SMYD3: variants seen among roughly 807,000 people sequenced by gnomAD.
SMYD3 encodes the protein histone-lysine N-methyltransferase SMYD3.
In SMYD3, 36 loss-of-function variants were observed where a neutral mutation model predicts 57.7. That is an observed-to-expected ratio of 0.62 (90% CI 0.48 to 0.82). The LOEUF is 0.82. Among genes scored for constraint, SMYD3 ranks in the 40% least tolerant of loss-of-function variants. SMYD3 has a pLI of 0.00. For missense variants in SMYD3, 515 were observed against 538.8 expected (o/e 0.96, Z 0.44); for synonymous variants, 211 against 195.0 (o/e 1.08, Z -0.68).
chr1:245,955,289 G>A (rs940038967), intron 5 of SMYD3, among the ~76,000 whole-genome samples: 2 of 152,102 alleles, frequency 1.3e-5, no homozygotes, highest in African/African-American at 4.8e-5. Flanking sequence ...TAGAGACGGG[G>A]TTTCACCGCA....
intron 8 of SMYD3, among the ~76,000 whole-genome samples, chr1:245,905,720 C>T (rs2054516629): frequency 6.6e-6 from 1 of 152,212 alleles, no homozygotes; most frequent in South Asian, 2.1e-4. Context: ...TGAGCAAACA[C>T]AGTCAGCAGC....
At chr1:245,824,154 T>A (rs114172967) in intron 10 of SMYD3, among the ~76,000 whole-genome samples, 1 of 152,210 alleles carries the variant, frequency 6.6e-6, no homozygotes, top group Non-Finnish European at 1.5e-5. Flanking sequence ...TTCCCCAAAG[T>A]AGGGAAACAG....
At chr1:245,763,984 G>T in intron 11 of SMYD3, 57 bp downstream of exon 11, 1 of 1,320,940 alleles carries the variant, frequency 7.6e-7, no homozygotes, top group Non-Finnish European at 1.1e-6. Flanking sequence ...AAGAGGCCCA[G>T]CAACAGCAGA....
At chr1:246,402,470 G>A (rs902021738) in intron 1 of SMYD3, among the ~76,000 whole-genome samples, 1 of 151,728 alleles carries the variant, frequency 6.6e-6, no homozygotes, top group African/African-American at 2.4e-5. Context: ...AAGGGTTAGA[G>A]AGGTTAATCG....
chr1:246,027,864 G>C (rs1003732971), intron 5 of SMYD3, among the ~76,000 whole-genome samples: 1 of 152,172 alleles, frequency 6.6e-6, no homozygotes, highest in African/African-American at 2.4e-5. Flanking sequence ...TGGATCTGGG[G>C]ACAGTAAATT....
At chr1:245,996,064 C>G (rs973425926) in intron 5 of SMYD3, among the ~76,000 whole-genome samples, 7 of 152,188 alleles carry the variant, frequency 4.6e-5, no homozygotes, top group African/African-American at 1.7e-4. Context: ...TTCCCAACAC[C>G]TAAAATCCTC....
At chr1:245,853,460 G>A (rs1026307565) in intron 10 of SMYD3, among the ~76,000 whole-genome samples, 2 of 152,156 alleles carry the variant, frequency 1.3e-5, no homozygotes, top group South Asian at 2.1e-4. Flanking sequence ...ACTGTAATAC[G>A]CACCTGGGAT....
rs76896536 is a variant in SMYD3 at position 246,353,401 on chromosome 1, G to A, written c.228+1630C>T. ...TTAAATTACCTGGCCATGGTGGCACGTACCTGTAGTCCCAGTGGCTCAGGA... is the reference window on the plus strand; with the variant it reads ...TTAAATTACCTGGCCATGGTGGCACATACCTGTAGTCCCAGTGGCTCAGGA... On this transcript the variant is annotated intron_variant, in intron 2 of 11. Coordinates refer to ENST00000490107, the MANE Select transcript of SMYD3 (RefSeq NM_001167740.2). Among the ~76,000 whole-genome samples, 109 of 152,082 alleles carry A rather than the reference G, an allele frequency of 7.2e-4. No homozygotes were observed. In the East Asian group the frequency reaches 0.014, roughly 20 times the overall value.
intron 11 of SMYD3, among the ~76,000 whole-genome samples, chr1:245,757,184 G>C (rs2045642089): frequency 6.6e-6 from 1 of 151,818 alleles, no homozygotes; most frequent in East Asian, 1.9e-4. Flanking sequence ...TTCTACTTCT[G>C]TCTCTAGGTA....
Position 245,953,206 on chromosome 1 carries a change from G to A in SMYD3, c.532-23269C>T, listed in dbSNP as rs548240459. The A allele has an allele frequency of 2.7e-5, 27 of 992,898 alleles. No individual in the cohort carries two copies. In the East Asian group the frequency reaches 5.7e-4, roughly 21 times the overall value. 61.5% of individuals were successfully genotyped at this position (992,898 alleles called of 1,614,324 possible). ...CATAATATATATTATCAGTATATCT[G>A]GAGAAAGAAACAAAGCAAGATTACC... On this transcript the variant is annotated intron_variant, in intron 5 of 11. Transcript: ENST00000490107.
At chr1:246,155,781 A>C (rs1172541119) in intron 5 of SMYD3, among the ~76,000 whole-genome samples, 2 of 152,036 alleles carry the variant, frequency 1.3e-5, no homozygotes, top group African/African-American at 2.4e-5. Flanking sequence ...GGAGTTCGAG[A>C]CCAGCCTGGC....
intron 1 of SMYD3, among the ~76,000 whole-genome samples, chr1:246,418,709 C>G (rs938566115): frequency 2.6e-5 from 4 of 152,072 alleles, no homozygotes; most frequent in African/African-American, 9.7e-5. Context: ...GTCGGGCGCT[C>G]GGTGACCTGG....
In SMYD3 at chr1:246,221,126, C is replaced by T. The variant is rs542991068; in HGVS notation, c.531+106075G>A. Among the ~76,000 whole-genome samples the T allele has an allele frequency of 1.4e-4, 22 of 152,194 alleles. No homozygotes were observed. In the East Asian group the frequency reaches 3.7e-3, roughly 25 times the overall value. The stretch of plus-strand genomic sequence containing the variant: ...CTGCCAAGAGCTGGAGACAACGGAA[C>T]AACTAGCCAAACAGAGAAGCTACCC... On this transcript the variant is annotated intron_variant, in intron 5 of 11. Transcript: ENST00000490107.
At chr1:245,815,366 C>T (rs1282462968) in intron 10 of SMYD3, among the ~76,000 whole-genome samples, 1 of 152,226 alleles carries the variant, frequency 6.6e-6, no homozygotes, top group Non-Finnish European at 1.5e-5. Flanking sequence ...CCATGCTTTT[C>T]CTTCCATCCC....
At chr1:246,232,185 TA>T (rs1427948633) in intron 5 of SMYD3, among the ~76,000 whole-genome samples, 2 of 152,006 alleles carry the variant, frequency 1.3e-5, no homozygotes, top group African/African-American at 2.4e-5. Context: ...ACTCAGTGGT[TA>T]GGGGGTTAAT....
chr1:246,377,375 T>C (rs2066296845), intron 1 of SMYD3, among the ~76,000 whole-genome samples: 1 of 151,202 alleles, frequency 6.6e-6, no homozygotes, highest in Non-Finnish European at 1.5e-5. Flanking sequence ...AATTCTTTTT[T>C]TTTTTTTTTT....
intron 5 of SMYD3, among the ~76,000 whole-genome samples, chr1:246,185,467 TTTTTTG>T (rs769874432): frequency 0.26 from 32,071 of 122,874 alleles, 5,337 homozygotes; most frequent in African/African-American, 0.47. Flanking sequence ...TTTTTTTTTT[TTTTTTG>T]AGACGGAGTT....
At chr1:246,436,768 C>T (rs1284812591) in intron 1 of SMYD3, among the ~76,000 whole-genome samples, 1 of 152,160 alleles carries the variant, frequency 6.6e-6, no homozygotes, top group African/African-American at 2.4e-5. Context: ...TCTATTACTT[C>T]TATTTTCCCC....
intron 5 of SMYD3, among the ~76,000 whole-genome samples, chr1:245,949,022 T>C (rs1299109373): frequency 2.6e-5 from 4 of 152,278 alleles, no homozygotes; most frequent in South Asian, 2.1e-4. Flanking sequence ...CTAGCATCCA[T>C]TGCATGTGCC....
Sources: allele counts gnomAD v4.1 joint callset (sites outside exome capture counted in the v4.1 genomes callset), GRCh38; gene constraint gnomAD v4.1.1; transcripts MANE v1.5; gene names NCBI Gene and HGNC (gene_info 2026-07-23, HGNC 2026-07-21).